Variants in FRMD5 observed in about 807,000 individuals in gnomAD.
The protein encoded by FRMD5 is FERM domain containing 5.
A neutral mutation model predicts 69.0 loss-of-function variants in FRMD5; 20 were observed. The observed-to-expected ratio is 0.29, with a 90% CI of 0.20 to 0.42. The LOEUF (loss-of-function observed/expected upper bound fraction) is 0.42, where lower values mean the gene tolerates loss of function less well. Ranked by LOEUF, FRMD5 falls within the 10% of genes least tolerant of loss-of-function variation. The pLI, the probability that FRMD5 is intolerant of heterozygous loss-of-function variation, is 1.00. For synonymous variants in FRMD5, 271 were observed against 260.1 expected (o/e 1.04, Z -0.40); for missense variants, 595 against 708.6 (o/e 0.84, Z 1.82).
chr15:44,060,721 AAAAAG>A (rs1260627351), intron 1 of FRMD5, among the ~76,000 whole-genome samples: 2 of 152,330 alleles, frequency 1.3e-5, no homozygotes, highest in Non-Finnish European at 2.9e-5. Context: ...GACTGCCTAA[AAAAAG>A]AAAAGGTGAG....
In FRMD5 at chr15:43,874,257, C is replaced by T; in HGVS notation, c.1341G>A (p.Arg447=). 1.2e-6 allele frequency: 2 copies of T among 1,614,234 alleles called. No individual in the cohort carries two copies. The highest frequency in any genetic ancestry group is 1.7e-6 in the Non-Finnish European group (2 of 1,180,044). Residue 447 remains arginine, a synonymous_variant, in exon 14 of 14, where the codon CGG becomes CGA. Transcript: ENST00000417257. The part of the protein sequence containing the change: ...EHSLELMLLS[R]QINGATCSIE... Reference sequence around the variant, plus strand: ...TGCTGCAGGTGGCTCCATTGATCTGCCGGGAAAGCAACATCAGCTCCAGGC... The same window carrying T: ...TGCTGCAGGTGGCTCCATTGATCTGTCGGGAAAGCAACATCAGCTCCAGGC...
chr15:44,194,589 C>A (rs960058786), intron 1 of FRMD5: 6 of 338,100 alleles, frequency 1.8e-5, no homozygotes, highest in South Asian at 1.4e-4. Context: ...CCCGACGGGG[C>A]GGCCGGGCTA....
chr15:43,976,141 C>A (rs111577728), intron 1 of FRMD5, among the ~76,000 whole-genome samples: 4 of 147,374 alleles, frequency 2.7e-5, no homozygotes, highest in African/African-American at 1.0e-4. Flanking sequence ...TAAAGTGGAT[C>A]ATAGACCAAA....
At chr15:44,080,736 C>T (rs1893963699) in intron 1 of FRMD5, among the ~76,000 whole-genome samples, 1 of 152,108 alleles carries the variant, frequency 6.6e-6, no homozygotes, top group Non-Finnish European at 1.5e-5. Flanking sequence ...ATTAGCACAT[C>T]ATTTTTAACA....
At chr15:44,096,299 C>CTA (rs2076551898) in intron 1 of FRMD5, among the ~76,000 whole-genome samples, 1 of 151,158 alleles carries the variant, frequency 6.6e-6, no homozygotes, top group Admixed American at 6.6e-5. Flanking sequence ...CACACTTATG[C>CTA]TATATAAACA....
intron 1 of FRMD5, among the ~76,000 whole-genome samples, chr15:44,160,236 G>A (rs1190674303): frequency 6.6e-6 from 1 of 152,154 alleles, no homozygotes; most frequent in Admixed American, 6.5e-5. Flanking sequence ...TGCACCTGTA[G>A]TCCCAGCTAC....
chr15:44,134,114 G>A (rs1219250922), intron 1 of FRMD5, among the ~76,000 whole-genome samples: 2 of 152,104 alleles, frequency 1.3e-5, no homozygotes, highest in Non-Finnish European at 2.9e-5. Flanking sequence ...CAAAAGACTG[G>A]CAAATACTTT....
chr15:43,885,658 G>A (rs1331025601), intron 11 of FRMD5, 23 bp downstream of exon 11: 1 of 1,581,744 alleles, frequency 6.3e-7, no homozygotes, highest in African/African-American at 1.3e-5. Context: ...GATCCATAAT[G>A]GTTACTTACT....
chr15:43,985,850 G>A (rs1445834590), intron 1 of FRMD5, among the ~76,000 whole-genome samples: 1 of 152,176 alleles, frequency 6.6e-6, no homozygotes, highest in African/African-American at 2.4e-5. Context: ...TGCCCCTGGA[G>A]GAGAAAGAGA....
chr15:44,194,865 C>T, intron 1 of FRMD5, 88 bp downstream of exon 1: 1 of 1,127,664 alleles, frequency 8.9e-7, no homozygotes, highest in East Asian at 2.7e-5. Flanking sequence ...CTGGGGCGAC[C>T]CCTGGGCGGC....
intron 7 of FRMD5, 116 bp downstream of exon 7, chr15:43,902,059 A>C: frequency 1.4e-6 from 1 of 733,728 alleles, no homozygotes; most frequent in Non-Finnish European, 2.4e-6. Flanking sequence ...TATCTCACTG[A>C]AAGTGCCAGC....
chr15:43,961,283 C>T (rs962621854), intron 1 of FRMD5, among the ~76,000 whole-genome samples: 2 of 152,164 alleles, frequency 1.3e-5, no homozygotes, highest in African/African-American at 4.8e-5. Flanking sequence ...CACCTCTACG[C>T]AAATAAACTA....
chr15:44,064,521 G>T (rs891544626), intron 1 of FRMD5, among the ~76,000 whole-genome samples: 3 of 152,112 alleles, frequency 2.0e-5, no homozygotes, highest in Non-Finnish European at 4.4e-5. Flanking sequence ...CTCGGGATGC[G>T]GAGGGTGTGA....
intron 1 of FRMD5, among the ~76,000 whole-genome samples, chr15:44,044,078 A>G (rs1892323243): frequency 6.6e-6 from 1 of 152,092 alleles, no homozygotes; most frequent in African/African-American, 2.4e-5. Context: ...CAAATTTACA[A>G]TAAAAAAAAA....
At chr15:43,913,744 T>C (rs188526299) in intron 4 of FRMD5, among the ~76,000 whole-genome samples, 6 of 152,270 alleles carry the variant, frequency 3.9e-5, no homozygotes, top group Non-Finnish European at 7.4e-5. Flanking sequence ...GCCAAGGAAA[T>C]AGAAGTCCAG....
At chr15:44,047,327 G>GGAGGGGAAAGGAGGGGA (rs1202355600) in intron 1 of FRMD5, among the ~76,000 whole-genome samples, 8 of 151,796 alleles carry the variant, frequency 5.3e-5, no homozygotes, top group African/African-American at 1.9e-4. Context: ...GGAGGGGAGA[G>GGAGGGGAAAGGAGGGGA]GAGGGGAAAG....
chr15:44,063,482 T>C (rs900613289), intron 1 of FRMD5: 33 of 278,476 alleles, frequency 1.2e-4, no homozygotes, highest in African/African-American at 7.2e-4. Flanking sequence ...CATCTTCTTG[T>C]GCAGGGCCAG....
chr15:44,108,254 A>C (rs985743564), intron 1 of FRMD5, among the ~76,000 whole-genome samples: 5 of 152,188 alleles, frequency 3.3e-5, no homozygotes, highest in Non-Finnish European at 7.3e-5. Context: ...ACCTGTAGTC[A>C]CAGCTACTGG....
At chr15:44,139,618 A>G (rs1039580288) in intron 1 of FRMD5, among the ~76,000 whole-genome samples, 3 of 149,606 alleles carry the variant, frequency 2.0e-5, no homozygotes, top group South Asian at 2.2e-4. Context: ...CAGGCCAGGC[A>G]TGGTGGCTCA....
Sources: allele counts gnomAD v4.1 joint callset (sites outside exome capture counted in the v4.1 genomes callset), GRCh38; gene constraint gnomAD v4.1.1; transcripts MANE v1.5; gene names NCBI Gene and HGNC (gene_info 2026-07-23, HGNC 2026-07-21).